The following CDKL2 variants were observed in gnomAD, a reference collection of about 807,000 sequenced individuals.
CDKL2 encodes cyclin-dependent kinase-like 2.
Under a neutral mutation model 63.9 loss-of-function variants are expected in CDKL2, and 64 were observed. That is an observed-to-expected ratio of 1.00 (90% CI 0.82 to 1.23). CDKL2 has a LOEUF of 1.23. CDKL2 is among the 50% of genes most tolerant of loss of function. CDKL2 has a pLI of 0.00. For missense variants in CDKL2, 656 were observed against 668.0 expected, an observed-to-expected ratio of 0.98 and a Z score of 0.20; for synonymous variants, 211 against 229.2, an observed-to-expected ratio of 0.92 and a Z score of 0.72.
intron 10 of CDKL2, among the ~76,000 whole-genome samples, chr4:75,593,477 C>T (rs1384351611): frequency 6.6e-6 from 1 of 152,012 alleles, no homozygotes; most frequent in Non-Finnish European, 1.5e-5. Context: ...GGTCTTCACC[C>T]TCCTAATCTT....
At chr4:75,627,080 A>G (rs549647897) in intron 1 of CDKL2, among the ~76,000 whole-genome samples, 5 of 143,044 alleles carry the variant, frequency 3.5e-5, no homozygotes, top group African/African-American at 7.8e-5. Context: ...GTGCACCCCT[A>G]TAGTCCCAGC....
chr4:75,609,441 G>C (rs1729582713), intron 3 of CDKL2, among the ~76,000 whole-genome samples: 2 of 151,306 alleles, frequency 1.3e-5, no homozygotes, highest in African/African-American at 4.9e-5. Context: ...CCCGTCCCTA[G>C]TCAAAATACA....
intron 12 of CDKL2, among the ~76,000 whole-genome samples, chr4:75,585,622 A>G (rs1006170855): frequency 3.3e-5 from 5 of 151,928 alleles, no homozygotes; most frequent in Admixed American, 1.3e-4. Context: ...TACATGAAGC[A>G]AAAATAAATA....
intron 2 of CDKL2, among the ~76,000 whole-genome samples, chr4:75,617,527 A>G (rs567368978): frequency 6.6e-6 from 1 of 152,238 alleles, no homozygotes; most frequent in East Asian, 1.9e-4. Flanking sequence ...AACTAAACAA[A>G]CCAACAAAAA....
chr4:75,626,503 A>G (rs1197046203), intron 1 of CDKL2, among the ~76,000 whole-genome samples: 1 of 152,128 alleles, frequency 6.6e-6, no homozygotes, highest in Non-Finnish European at 1.5e-5. Flanking sequence ...CGTCTCTACT[A>G]AAAATACAGA....
At chr4:75,606,191 A>C (rs1729419286) in intron 4 of CDKL2, among the ~76,000 whole-genome samples, 1 of 150,458 alleles carries the variant, frequency 6.6e-6, no homozygotes, top group Admixed American at 6.8e-5. Context: ...GTAACAATGA[A>C]GAGAACTGAG....
chr4:75,605,625 A>G lies in CDKL2; in HGVS notation c.552T>C (p.Asp184=), dbSNP rs767581603. The G allele has an allele frequency of 2.5e-6, 4 of 1,610,768 alleles. No individual in the cohort carries two copies. Among genetic ancestry groups the G allele is most frequent in the South Asian group, 1.1e-5 (1 of 91,004 alleles). Residue 184 remains aspartate, a synonymous_variant, in exon 5 of 14, where the codon GAT becomes GAC. Transcript: ENST00000307465. ...TTACCAGACAACCAATGGCCCACAC[A>G]TCAACAGCCCTGAAAGAAAAGCAAT... The part of the protein sequence containing the change: ...VGDVKYGKAV[D]VWAIGCLVTE...
Position 75,596,935 on chromosome 4 carries a change from C to T in CDKL2, c.1322G>A (p.Arg441Lys), listed in dbSNP as rs758275628. ...GTETIPIQGY[R>K]VDEKTKKCSI... ...TTGATCTTATTTTACTAATTCATAC[C>T]TGTAACCCTGAATTGGTATAGTCTC... Residue 441 changes from arginine to lysine, a missense_variant and splice_region_variant, in exon 9 of 14, where the codon AGA becomes AAA. Arg to Lys is a conservative substitution (Grantham distance 26, BLOSUM62 2). Coordinates refer to ENST00000307465, the MANE Select transcript of CDKL2 (RefSeq NM_001330724.2). 13 of 1,606,736 alleles carry T rather than the reference C, an allele frequency of 8.1e-6. No individual in the cohort carries two copies. The highest frequency in any genetic ancestry group is 3.4e-5 in the Admixed American group (2 of 59,640).
intron 13 of CDKL2, 89 bp from the exon 14 acceptor site, chr4:75,579,267 A>G (rs1410113787): frequency 2.6e-5 from 4 of 152,378 alleles, no homozygotes; most frequent in African/African-American, 9.6e-5. Flanking sequence ...CTCACATCGT[A>G]TATATTGATA....
chr4:75,607,216 G>A lies in CDKL2; in HGVS notation c.509C>T (p.Pro170Leu). The change falls in exon 4 of 14, where the codon CCA (proline) becomes CTA (leucine). Residue 170 changes from proline (P) to leucine (L), a missense_variant. Coordinates refer to ENST00000307465, the MANE Select transcript of CDKL2 (RefSeq NM_001330724.2). ...DYVATRWYRA[P>L]ELLVGDVKYG... ...CTTGACATCACCAACCAATAGTTCTGGAGCTCTGTACCATCGGGTTGCCAC... is the reference window on the plus strand; with the variant it reads ...CTTGACATCACCAACCAATAGTTCTAGAGCTCTGTACCATCGGGTTGCCAC... 2 of 1,611,964 alleles carry A rather than the reference G, an allele frequency of 1.2e-6. No individual in the cohort carries two copies. The highest frequency in any genetic ancestry group is 1.7e-6 in the Non-Finnish European group (2 of 1,178,674).
intron 2 of CDKL2, among the ~76,000 whole-genome samples, chr4:75,614,935 A>T (rs1729868117): frequency 6.7e-6 from 1 of 148,358 alleles, no homozygotes; most frequent in African/African-American, 2.4e-5. Flanking sequence ...ATATATATAT[A>T]TGTATATTCA....
intron 10 of CDKL2, among the ~76,000 whole-genome samples, chr4:75,595,018 T>C (rs1728855558): frequency 6.6e-6 from 1 of 152,122 alleles, no homozygotes; most frequent in Admixed American, 6.6e-5. Context: ...CTGGAGGCCA[T>C]GCTGAGAATA....
intron 12 of CDKL2, among the ~76,000 whole-genome samples, chr4:75,589,726 C>A (rs939886867): frequency 1.3e-5 from 2 of 152,028 alleles, no homozygotes; most frequent in Non-Finnish European, 2.9e-5. Context: ...GTTTATATAA[C>A]ACTTCACGTT....
chr4:75,596,319 C>G lies in CDKL2; in HGVS notation c.1344G>C (p.Lys448Asn). Residue 448 changes from lysine to asparagine, a missense_variant, in exon 10 of 14, where the codon AAG becomes AAC. Coordinates refer to ENST00000307465, the MANE Select transcript of CDKL2 (RefSeq NM_001330724.2). ...QGYRVDEKTK[K>N]CSIPFVKPNR... ...TCGGTTTAACAAATGGAATAGAACACTTCTTAGTTTTCTCATCCACTCTGT... is the reference window on the plus strand; with the variant it reads ...TCGGTTTAACAAATGGAATAGAACAGTTCTTAGTTTTCTCATCCACTCTGT... 6.2e-7 allele frequency: 1 copy of G among 1,610,498 alleles called. No individual in the cohort carries two copies. The highest frequency in any genetic ancestry group is 8.5e-7 in the Non-Finnish European group (1 of 1,176,944).
chr4:75,606,006 C>T (rs1729411282), intron 4 of CDKL2, among the ~76,000 whole-genome samples: 1 of 152,064 alleles, frequency 6.6e-6, no homozygotes, highest in Non-Finnish European at 1.5e-5. Flanking sequence ...TTCTGAAAAG[C>T]CAAAACAGTT....
In CDKL2 at chr4:75,581,881, C is replaced by T; in HGVS notation, c.1665G>A (p.Leu555=). The T allele has an allele frequency of 6.2e-7, 1 of 1,612,138 alleles. No individual in the cohort carries two copies. Among genetic ancestry groups the T allele is most frequent in the South Asian group, 1.1e-5 (1 of 90,886 alleles). The change falls in exon 13 of 14, where the codon CTG becomes CTA. Residue 555 remains leucine, a synonymous_variant. Coordinates refer to ENST00000307465, the MANE Select transcript of CDKL2 (RefSeq NM_001330724.2). ...ITLHQVSGPP[L]SDDSGADLPQ... The stretch of plus-strand genomic sequence containing the variant: ...GCAAATCAGCCCCTGAATCATCTGA[C>T]AGGGGAGGTCCTGATACCTATAAAT...
At chr4:75,603,145 G>A (rs1193844321) in intron 6 of CDKL2, among the ~76,000 whole-genome samples, 2 of 149,844 alleles carry the variant, frequency 1.3e-5, no homozygotes, top group Non-Finnish European at 3.0e-5. Context: ...GACTACAGGC[G>A]CCCGCCACCG....
In CDKL2 at chr4:75,605,549, G is replaced by T; in HGVS notation, c.628C>A (p.Gln210Lys). ...PLFPGDSDID[Q>K]LYHIMMCLGN... is the part of the protein sequence containing the mutation. Reference sequence around the variant, plus strand: ...AAACACATCATAATATGATATAGCTGATCAATATCAGAATCTCCAGGAAAT... The same window carrying T: ...AAACACATCATAATATGATATAGCTTATCAATATCAGAATCTCCAGGAAAT... Residue 210 changes from glutamine (Q) to lysine (K), a missense_variant, in exon 5 of 14, where the codon CAG (glutamine) becomes AAG (lysine). Physicochemically the swap from Gln to Lys is moderately conservative, Grantham distance 53. Coordinates refer to ENST00000307465, the MANE Select transcript of CDKL2 (RefSeq NM_001330724.2). 1.2e-6 allele frequency: 2 copies of T among 1,607,274 alleles called. No homozygotes were observed. Among genetic ancestry groups the T allele is most frequent in the Non-Finnish European group, 1.7e-6 (2 of 1,173,944 alleles).
chr4:75,606,216 A>ATT (rs33912317), intron 4 of CDKL2, among the ~76,000 whole-genome samples: 1,614 of 132,304 alleles, frequency 0.012, 29 homozygotes, highest in African/African-American at 0.032. Flanking sequence ...GATAGGGATA[A>ATT]TTTTTTTTTT....
Sources: allele counts gnomAD v4.1 joint callset (sites outside exome capture counted in the v4.1 genomes callset), GRCh38; gene constraint gnomAD v4.1.1; transcripts MANE v1.5; gene names NCBI Gene and HGNC (gene_info 2026-07-23, HGNC 2026-07-21).